USH2A: variants seen among roughly 807,000 people sequenced by gnomAD.
USH2A encodes the protein Usher syndrome 2A (autosomal recessive, mild).
In USH2A, 443 loss-of-function variants were observed where a neutral mutation model predicts 538.9. That is an observed-to-expected ratio of 0.82 (90% CI 0.76 to 0.89). The LOEUF (loss-of-function observed/expected upper bound fraction) is 0.89, where lower values mean the gene tolerates loss of function less well. Among genes scored for constraint, USH2A ranks in the 40% least tolerant of loss-of-function variants. USH2A has a pLI of 0.00. For missense variants in USH2A, 6,633 were observed against 6,324.8 expected, an observed-to-expected ratio of 1.05 and a Z score of -1.65; for synonymous variants, 2,413 against 2,273.5, an observed-to-expected ratio of 1.06 and a Z score of -1.75.
intron 38 of USH2A, among the ~76,000 whole-genome samples, chr1:215,919,606 C>A (rs1290818054): frequency 6.6e-6 from 1 of 151,924 alleles, no homozygotes; most frequent in East Asian, 1.9e-4. Flanking sequence ...TGGAATGTGG[C>A]ATTTTCATAT....
intron 50 of USH2A, among the ~76,000 whole-genome samples, chr1:215,793,740 A>G (rs775426390): frequency 6.6e-6 from 1 of 152,196 alleles, no homozygotes; most frequent in Non-Finnish European, 1.5e-5. Context: ...AGTCCAGGAC[A>G]TGAAAACTCA....
At chr1:215,995,844 A>G (rs555478959) in intron 34 of USH2A, among the ~76,000 whole-genome samples, 2 of 152,364 alleles carry the variant, frequency 1.3e-5, no homozygotes, top group East Asian at 3.9e-4. Context: ...AATAAAATGC[A>G]TAAATAATAA....
chr1:216,020,082 C>T (rs1419746668), intron 32 of USH2A, among the ~76,000 whole-genome samples: 4 of 152,108 alleles, frequency 2.6e-5, no homozygotes, highest in Non-Finnish European at 4.4e-5. Context: ...ATTTTCAAAT[C>T]ACAGTCTGTT....
At chr1:216,148,332 C>G (rs1476059586) in intron 21 of USH2A, among the ~76,000 whole-genome samples, 1 of 151,940 alleles carries the variant, frequency 6.6e-6, no homozygotes, top group African/African-American at 2.4e-5. Flanking sequence ...ACTAAATTAT[C>G]TGCTTCCCTG....
chr1:216,124,371 C>T (rs988579021), intron 21 of USH2A, among the ~76,000 whole-genome samples: 8 of 151,252 alleles, frequency 5.3e-5, no homozygotes, highest in African/African-American at 1.7e-4. Flanking sequence ...AGCAAGGAAG[C>T]GTATTGATTA....
chr1:215,808,475 T>C (rs1662566447), intron 49 of USH2A, among the ~76,000 whole-genome samples: 1 of 152,046 alleles, frequency 6.6e-6, no homozygotes, highest in African/African-American at 2.4e-5. Context: ...GGACCATTAG[T>C]TTTTTTGGGT....
intron 21 of USH2A, among the ~76,000 whole-genome samples, chr1:216,149,813 AC>A (rs1285484257): frequency 6.6e-6 from 1 of 151,918 alleles, no homozygotes; most frequent in East Asian, 1.9e-4. Context: ...AATGGACCGG[AC>A]CCTACTTAGT....
chr1:216,374,356 C>A (rs1158357221), intron 3 of USH2A, among the ~76,000 whole-genome samples: 2 of 151,664 alleles, frequency 1.3e-5, no homozygotes, highest in Non-Finnish European at 2.9e-5. Context: ...AGAGGACCGC[C>A]CAGTTATTTT....
At chr1:216,388,060 G>T (rs1006315331) in intron 3 of USH2A, among the ~76,000 whole-genome samples, 1 of 152,238 alleles carries the variant, frequency 6.6e-6, no homozygotes, top group Middle Eastern at 3.4e-3. Flanking sequence ...CCTTGCCCAG[G>T]ACTTGACTAT....
chr1:216,030,636 T>C (rs1272098220), intron 32 of USH2A, among the ~76,000 whole-genome samples: 3 of 114,410 alleles, frequency 2.6e-5, no homozygotes, highest in Non-Finnish European at 5.5e-5. Context: ...AGATATATAA[T>C]ATATACGATA....
chr1:216,375,844 G>T (rs2102724898), intron 3 of USH2A, among the ~76,000 whole-genome samples: 1 of 152,218 alleles, frequency 6.6e-6, no homozygotes, highest in Middle Eastern at 3.4e-3. Flanking sequence ...AGAGGCCACT[G>T]TAGGGTTATT....
Position 215,877,899 on chromosome 1 carries a change from A to G in USH2A, c.8559-19T>C, listed in dbSNP as rs763062816. ...CTCATATCTAAAGCAAAAGACAAGC[A>G]GGAACATCAGGATTATCTCAACTCA... On this transcript the variant is annotated intron_variant, in intron 42 of 71. Transcript: ENST00000307340. 3.1e-6 allele frequency: 5 copies of G among 1,613,428 alleles called. No homozygotes were observed. The highest frequency in any genetic ancestry group is 4.5e-5 in the East Asian group (2 of 44,838).
At chr1:216,379,110 C>A (rs567634491) in intron 3 of USH2A, among the ~76,000 whole-genome samples, 3 of 152,176 alleles carry the variant, frequency 2.0e-5, no homozygotes, top group African/African-American at 7.2e-5. Context: ...CTCGCTGATG[C>A]CTGGTGATGG....
chr1:215,978,622 G>A (rs6676430), intron 35 of USH2A, among the ~76,000 whole-genome samples: 1 of 152,060 alleles, frequency 6.6e-6, no homozygotes, highest in Non-Finnish European at 1.5e-5. Context: ...CAATTCAAGG[G>A]TTAAACAAGG....
rs560953238 is a variant in USH2A at position 215,681,979 on chromosome 1, A to G, written c.12067-1603T>C. 2.6e-4 allele frequency among the ~76,000 whole-genome samples: 40 copies of G among 152,328 alleles called. No homozygotes were observed. The South Asian group carries it at 3.3e-3, about 13-fold the overall frequency. Reference sequence around the variant, plus strand: ...TTTAAAATATTAAAAGTTAGATCATAAATATTTAAAAACTTATTTCTCCAT... The same window carrying G: ...TTTAAAATATTAAAAGTTAGATCATGAATATTTAAAAACTTATTTCTCCAT... On this transcript the variant is annotated intron_variant, in intron 61 of 71. Coordinates refer to ENST00000307340, the MANE Select transcript of USH2A (RefSeq NM_206933.4).
chr1:215,844,679 A>G (rs966191379), intron 45 of USH2A, among the ~76,000 whole-genome samples, 183 bp from the exon 46 acceptor site: 1 of 152,222 alleles, frequency 6.6e-6, no homozygotes, highest in East Asian at 1.9e-4. Flanking sequence ...GTTAGAAACC[A>G]TAAGAATTGG....
chr1:216,223,041 G>GTT (rs750587482), intron 14 of USH2A, among the ~76,000 whole-genome samples: 6 of 142,402 alleles, frequency 4.2e-5, no homozygotes, highest in African/African-American at 7.6e-5. Flanking sequence ...TCAAGGAAAT[G>GTT]TTTTTTTTTT....
rs528501290 is a variant in USH2A at position 215,875,126 on chromosome 1, C to T, written c.8681+2632G>A. On this transcript the variant is annotated intron_variant, in intron 43 of 71. Coordinates refer to ENST00000307340, the MANE Select transcript of USH2A (RefSeq NM_206933.4). ...CCTTTAAAGAGAAAAATATCCTGCC[C>T]GCCAGGGGATCAAGTTTTGGTTTTC... Among the ~76,000 whole-genome samples, 63 of 152,278 alleles carry T rather than the reference C, an allele frequency of 4.1e-4. 1 individual carries two copies. Among genetic ancestry groups the T allele is most frequent in the African/African-American group, 7.0e-4 (29 of 41,564 alleles).
chr1:215,806,343 G>T (rs1204707400), intron 49 of USH2A, among the ~76,000 whole-genome samples: 1 of 151,134 alleles, frequency 6.6e-6, no homozygotes, highest in Non-Finnish European at 1.5e-5. Flanking sequence ...AGCATTAAAT[G>T]TGCACCTGAA....
Sources: allele counts gnomAD v4.1 joint callset (sites outside exome capture counted in the v4.1 genomes callset), GRCh38; gene constraint gnomAD v4.1.1; transcripts MANE v1.5; gene names NCBI Gene and HGNC (gene_info 2026-07-23, HGNC 2026-07-21).